Variants in WNT4 observed in about 807,000 individuals in gnomAD.
WNT4 encodes the protein protein Wnt-4.
A neutral mutation model predicts 34.5 loss-of-function variants in WNT4; 16 were observed. The observed-to-expected ratio is 0.46, with a 90% CI of 0.31 to 0.70. WNT4 has a LOEUF of 0.70. Among genes scored for constraint, WNT4 ranks in the 30% least tolerant of loss-of-function variants. WNT4 has a pLI of 0.04. For missense variants in WNT4, 379 were observed against 495.9 expected (o/e 0.76, Z 2.24); for synonymous variants, 200 against 211.9 (o/e 0.94, Z 0.49).
rs1646082817 is a variant in WNT4 at position 22,142,868 on chromosome 1, A to C, written c.55T>G (p.Ser19Ala). ...TACAGCCAGTTGCTCGCGGCGGCTG[A>C]GAAGACGGCGAAGACGAGGAGGCGC... ...SLRLLVFAVF[S>A]AAASNWLYLA... Residue 19 changes from serine (S) to alanine (A), a missense_variant, in exon 1 of 5, where the codon TCA becomes GCA. Transcript: ENST00000290167. The surrounding 1 kb of genome is among the most constrained non-coding windows in gnomAD (Gnocchi z 6.0). 1 of 1,212,342 alleles carries C rather than the reference A, an allele frequency of 8.2e-7. No individual in the cohort carries two copies. The highest frequency in any genetic ancestry group is 1.1e-6 in the Non-Finnish European group (1 of 947,260). The allele number at this position is 1,212,342 out of a possible 1,614,324, so 75.1% of individuals were successfully genotyped here. A position where few individuals can be genotyped will look rare whatever the true frequency, so the allele number is the denominator to read the frequency against.
rs778124601 is a variant in WNT4, at chr1:22,120,503, G to C, written c.603C>G (p.His201Gln). ...NEAGRKAILT[H>Q]MRVECKCHGV... is the part of the protein sequence containing the mutation. ...CGTGGCACTTGCATTCCACCCGCATGTGTGTCAGGATGGCCTGTGGGAGAG... is the reference window on the plus strand; with the variant it reads ...CGTGGCACTTGCATTCCACCCGCATCTGTGTCAGGATGGCCTGTGGGAGAG... Residue 201 changes from histidine to glutamine, a missense_variant, in exon 5 of 5, where the codon CAC becomes CAG. By Grantham distance (24) the His-to-Gln change is conservative. Around this residue, in one of 2 missense-constraint regions of WNT4, gnomAD observed 313 missense variants for 445.8 expected, o/e 0.70. Coordinates refer to ENST00000290167, the MANE Select transcript of WNT4 (RefSeq NM_030761.5). 2 of 1,612,344 alleles carry C rather than the reference G, an allele frequency of 1.2e-6. No individual in the cohort carries two copies. Among genetic ancestry groups the C allele is most frequent in the African/African-American group, 2.7e-5 (2 of 74,916 alleles).
At chr1:22,132,568 T>C (rs543373460) in intron 1 of WNT4, among the ~76,000 whole-genome samples, 3 of 152,294 alleles carry the variant, frequency 2.0e-5, no homozygotes, top group South Asian at 2.1e-4. Flanking sequence ...GCCAGGCTGA[T>C]AGATGTGTCT....
At chr1:22,121,768 A>G (rs1299480072) in intron 2 of WNT4, among the ~76,000 whole-genome samples, 192 bp from the exon 3 acceptor site, 1 of 152,118 alleles carries the variant, frequency 6.6e-6, no homozygotes, top group African/African-American at 2.4e-5. Context: ...TGCTTCCTTT[A>G]CCAGGCGTGG....
chr1:22,133,430 T>TAA (rs1645998361), intron 1 of WNT4, among the ~76,000 whole-genome samples: 1 of 152,112 alleles, frequency 6.6e-6, no homozygotes, highest in East Asian at 1.9e-4. Context: ...TGCCCTAGGG[T>TAA]GGCTCAACCC....
chr1:22,142,548 C>G lies in WNT4; in HGVS notation c.77+298G>C, dbSNP rs1284610034. Among the ~76,000 whole-genome samples, 1 of 152,168 alleles carries G rather than the reference C, an allele frequency of 6.6e-6. No individual in the cohort carries two copies. Among genetic ancestry groups the G allele is most frequent in the Non-Finnish European group, 1.5e-5 (1 of 68,002 alleles). On this transcript the variant is annotated intron_variant, in intron 1 of 4. Coordinates refer to ENST00000290167, the MANE Select transcript of WNT4 (RefSeq NM_030761.5). This position sits in a 1 kb window ranked among gnomAD's most constrained non-coding sequence, Gnocchi z 6.0. ...CCGGCGCCCCTCCCGGGCCACCGCC[C>G]CGCGCTCGCACCCCTGGCGCCCTCG...
rs1336961009 is a variant in WNT4, at chr1:22,120,430, G to T, written c.676C>A (p.Pro226Thr). ...AGTGCGTGACCCACCTGGCGGAAGG[G>T]CGGCACGGCTCGCCAGCACGTCTTT... ...EVKTCWRAVP[P>T]FRQVGHALKE... Residue 226 changes from proline to threonine, a missense_variant, in exon 5 of 5, where the codon CCC (proline) becomes ACC (threonine). Transcript: ENST00000290167. 1 of 1,613,668 alleles carries T rather than the reference G, an allele frequency of 6.2e-7. No individual in the cohort carries two copies. The highest frequency in any genetic ancestry group is 1.3e-5 in the African/African-American group (1 of 74,936).
chr1:22,128,477 A>C (rs901900171), intron 2 of WNT4, among the ~76,000 whole-genome samples: 2 of 152,130 alleles, frequency 1.3e-5, no homozygotes, highest in Admixed American at 1.3e-4. Context: ...ACCGTTCTCT[A>C]TGCCCTGGTC....
intron 2 of WNT4, among the ~76,000 whole-genome samples, chr1:22,122,525 G>A (rs1645907788): frequency 6.6e-6 from 1 of 152,176 alleles, no homozygotes; most frequent in South Asian, 2.1e-4. Context: ...CTGGAGGTGG[G>A]GGGCAGTGTG....
At chr1:22,121,837 T>C (rs966037416) in intron 2 of WNT4, among the ~76,000 whole-genome samples, 1 of 152,220 alleles carries the variant, frequency 6.6e-6, no homozygotes, top group Non-Finnish European at 1.5e-5. Context: ...AGGAGGCAAG[T>C]ACTGTTACCA....
rs906480911 is a variant in WNT4 at position 22,142,577 on chromosome 1, G to T, written c.77+269C>A. Among the ~76,000 whole-genome samples the T allele has an allele frequency of 6.6e-6, 1 of 151,646 alleles. No individual in the cohort carries two copies. The highest frequency in any genetic ancestry group is 1.5e-5 in the Non-Finnish European group (1 of 67,818). ...GCTCGCACCCCTGGCGCCCTCGAGAGCCCCGAGCCGCCTACCGGTGCGGAC... is the reference window on the plus strand; with the variant it reads ...GCTCGCACCCCTGGCGCCCTCGAGATCCCCGAGCCGCCTACCGGTGCGGAC... On this transcript the variant is annotated intron_variant, in intron 1 of 4. Transcript: ENST00000290167. The surrounding 1 kb of genome is among the most constrained non-coding windows in gnomAD (Gnocchi z 6.0).
chr1:22,121,822 A>G (rs1351307761), intron 2 of WNT4, among the ~76,000 whole-genome samples: 4 of 151,832 alleles, frequency 2.6e-5, no homozygotes. Flanking sequence ...CCTCACAACC[A>G]CCCCAGGAGG....
chr1:22,134,753 C>T lies in WNT4; in HGVS notation c.78-4902G>A, dbSNP rs751174271. On this transcript the variant is annotated intron_variant, in intron 1 of 4. Coordinates refer to ENST00000290167, the MANE Select transcript of WNT4 (RefSeq NM_030761.5). This position sits in a 1 kb window ranked among gnomAD's most constrained non-coding sequence, Gnocchi z 4.1. ...TCAAGATGCTCACTGTCATCGGTGC[C>T]GTCACCACCCCTCCCACAGCCTCTC... Among the ~76,000 whole-genome samples the T allele has an allele frequency of 5.9e-5, 9 of 152,174 alleles. No homozygotes were observed. Among genetic ancestry groups the T allele is most frequent in the Admixed American group, 1.3e-4 (2 of 15,290 alleles).
Position 22,142,385 on chromosome 1 carries a change from GCGGCGCAGCT to G in WNT4, c.77+451_77+460del, listed in dbSNP as rs533544598. Among the ~76,000 whole-genome samples, 1,759 of 152,078 alleles carry G rather than the reference GCGGCGCAGCT, an allele frequency of 0.012. 57 individuals are homozygous for G. Among genetic ancestry groups the G allele is most frequent in the Admixed American group, 0.071 (1,090 of 15,288 alleles). ...GCACGCCTCCAGCCCAGCCCGCAGC[GCGGCGCAGCT>G]CGGCGCAGCTCGGCGCTGGGAGCTC... On this transcript the variant is annotated intron_variant, in intron 1 of 4. Transcript: ENST00000290167. This position sits in a 1 kb window ranked among gnomAD's most constrained non-coding sequence, Gnocchi z 6.0.
At chr1:22,121,158 C>T in intron 4 of WNT4, 53 bp downstream of exon 4, 2 of 1,605,632 alleles carry the variant, frequency 1.2e-6, no homozygotes, top group Non-Finnish European at 1.7e-6. Flanking sequence ...GAGTCTGGGG[C>T]CCTGCCCATG....
chr1:22,140,288 C>T lies in WNT4; in HGVS notation c.77+2558G>A. On this transcript the variant is annotated intron_variant, in intron 1 of 4. Transcript: ENST00000290167. The surrounding 1 kb of genome is among the most constrained non-coding windows in gnomAD (Gnocchi z 5.9). ...TTCTAGAGGCAGCTTTTCAGTCGGA[C>T]ACCTCTGGCATTTACCAGCTGGGTG... 1 of 985,492 alleles carries T rather than the reference C, an allele frequency of 1.0e-6. No individual in the cohort carries two copies. Among genetic ancestry groups the T allele is most frequent in the Non-Finnish European group, 1.2e-6 (1 of 829,930 alleles). The allele number at this position is 985,492 out of a possible 1,614,324, so 61.0% of individuals were successfully genotyped here. A position where few individuals can be genotyped will look rare whatever the true frequency, so the allele number is the denominator to read the frequency against.
intron 2 of WNT4, among the ~76,000 whole-genome samples, chr1:22,122,270 C>G (rs1327238350): frequency 5.3e-5 from 8 of 152,300 alleles, no homozygotes; most frequent in Admixed American, 5.2e-4. Flanking sequence ...CCCTCCACCA[C>G]TGGGGGCTTC....
intron 2 of WNT4, among the ~76,000 whole-genome samples, chr1:22,128,806 G>A (rs545931105): frequency 1.3e-5 from 2 of 151,422 alleles, no homozygotes; most frequent in East Asian, 1.9e-4. Context: ...TGCAAGCTCC[G>A]CCTCCTGGGT....
At position 22,134,269 on chromosome 1, in the gene WNT4, C is replaced by T. The variant is rs1006766475; in HGVS notation, c.78-4418G>A. 1.3e-5 allele frequency among the ~76,000 whole-genome samples: 2 copies of T among 152,058 alleles called. No homozygotes were observed. Among genetic ancestry groups the T allele is most frequent in the Non-Finnish European group, 2.9e-5 (2 of 68,004 alleles). ...GAGGCCAAGTGGGTGGGAGGGGGAG[C>T]CGGAAGAAAACGGAGTGGCTGCTGA... On this transcript the variant is annotated intron_variant, in intron 1 of 4. Transcript: ENST00000290167. The surrounding 1 kb of genome is among the most constrained non-coding windows in gnomAD (Gnocchi z 4.1).
chr1:22,121,429 C>A lies in WNT4; in HGVS notation c.445+16G>T. On this transcript the variant is annotated intron_variant, in intron 3 of 4. Coordinates refer to ENST00000290167, the MANE Select transcript of WNT4 (RefSeq NM_030761.5). ...AAGCCCCCTGCCCTCCCACTCTGACCACCTCCTGCACCTACCCTGTGGGCT... is the reference window on the plus strand; with the variant it reads ...AAGCCCCCTGCCCTCCCACTCTGACAACCTCCTGCACCTACCCTGTGGGCT... 4 of 1,613,956 alleles carry A rather than the reference C, an allele frequency of 2.5e-6. No individual in the cohort carries two copies.
Sources: gnomAD v4.1 joint callset for allele counts (sites outside exome capture counted in the v4.1 genomes callset) on GRCh38, gnomAD v4.1.1 for gene constraint, gnomAD v4.1.1 regional missense constraint, Gnocchi (gnomAD v3.1) non-coding constraint, MANE v1.5 for transcripts, NCBI Gene and HGNC (gene_info 2026-07-23, HGNC 2026-07-21) for gene names.